FCGR3A: variants seen among roughly 807,000 people sequenced by gnomAD.
The protein encoded by FCGR3A is Fc gamma receptor IIIa.
A neutral mutation model predicts 24.1 loss-of-function variants in FCGR3A; 13 were observed. That is an observed-to-expected ratio of 0.54 (90% CI 0.35 to 0.86). The LOEUF (loss-of-function observed/expected upper bound fraction) is 0.86. Ranked by LOEUF, FCGR3A falls within the 40% of genes least tolerant of loss-of-function variation. The probability of loss-of-function intolerance (pLI) is 0.01; values close to 1 mark genes in which losing one functional copy is unlikely to be tolerated. For synonymous variants in FCGR3A, 93 were observed against 112.2 expected (o/e 0.83, Z 1.08); for missense variants, 235 against 298.0 (o/e 0.79, Z 1.56).
At position 161,548,970 on chromosome 1, in the gene FCGR3A, G is replaced by A. The variant is rs759499334; in HGVS notation, c.61+41C>T. On this transcript the variant is annotated intron_variant, in intron 2 of 4. Coordinates refer to ENST00000443193, the MANE Select transcript of FCGR3A (RefSeq NM_000569.8). ...TATCTTATGGCCTTTGTCCCCATAT[G>A]TGCCCCACTGGGTCAATCCAAGACC... 2.1e-5 allele frequency: 34 copies of A among 1,593,798 alleles called. No individual in the cohort carries two copies. The South Asian group carries it at 2.8e-4, about 13-fold the overall frequency.
chr1:161,550,004 A>G, upstream of FCGR3A: 2 of 753,716 alleles, frequency 2.7e-6, no homozygotes, highest in Non-Finnish European at 2.2e-6. Context: ...TCTGTGGCTG[A>G]GCATCTGAGG....
In FCGR3A at chr1:161,549,698, T is replaced by A; in HGVS notation, c.39A>T (p.Leu13=). 1 of 1,613,656 alleles carries A rather than the reference T, an allele frequency of 6.2e-7. No individual in the cohort carries two copies. The highest frequency in any genetic ancestry group is 8.5e-7 in the Non-Finnish European group (1 of 1,179,838). Residue 13 remains leucine (L), a splice_region_variant and synonymous_variant, in exon 1 of 5, where the codon CTA becomes CTT. Transcript: ENST00000443193. ...QLLLPTALLL[L]VSAGMRTEDL... is the part of the protein sequence containing the mutation. ...TCAACCAGGGAGACCCTGACTTACC[T>A]AGAAGTAGCAGAGCAGTTGGGAGGA...
At chr1:161,546,211 TATC>T (rs1318349827) in intron 3 of FCGR3A, among the ~76,000 whole-genome samples, 5 of 152,060 alleles carry the variant, frequency 3.3e-5, no homozygotes, top group African/African-American at 1.2e-4. Flanking sequence ...TATTAAGAGA[TATC>T]ATTTATCAAA....
At chr1:161,549,641 C>G in intron 1 of FCGR3A, 56 bp downstream of exon 1, 2 of 1,606,680 alleles carry the variant, frequency 1.2e-6, no homozygotes, top group South Asian at 2.2e-5. Flanking sequence ...AAAGGGGTCT[C>G]TGCTGAACCC....
chr1:161,546,073 C>T (rs1677380575), intron 3 of FCGR3A, among the ~76,000 whole-genome samples: 1 of 152,016 alleles, frequency 6.6e-6, no homozygotes. Context: ...TTTAAATCTA[C>T]ATTCTCAGCT....
chr1:161,549,971 T>C, upstream of FCGR3A: 1 of 1,066,248 alleles, frequency 9.4e-7, no homozygotes, highest in Non-Finnish European at 1.4e-6. Flanking sequence ...TGGGTGGGTC[T>C]GCCCCCTTTA....
At chr1:161,547,125 T>C (rs415916) in intron 3 of FCGR3A, among the ~76,000 whole-genome samples, 10 of 151,600 alleles carry the variant, frequency 6.6e-5, no homozygotes, top group Non-Finnish European at 1.2e-4. Flanking sequence ...CTAGTAACTC[T>C]TAGACTTGAT....
intron 3 of FCGR3A, among the ~76,000 whole-genome samples, chr1:161,547,145 G>A (rs2102528277): frequency 6.6e-6 from 1 of 152,122 alleles, no homozygotes; most frequent in East Asian, 1.9e-4. Flanking sequence ...TTTTTCTATT[G>A]CTTTCTCTTG....
At chr1:161,548,148 A>C (rs1194019834) in intron 3 of FCGR3A, among the ~76,000 whole-genome samples, 1 of 152,302 alleles carries the variant, frequency 6.6e-6, no homozygotes, top group Non-Finnish European at 1.5e-5. Flanking sequence ...CCTAACCTTC[A>C]CATGACACAT....
In FCGR3A at chr1:161,548,515, G is replaced by T; in HGVS notation, c.225C>A (p.Phe75Leu). 3 of 1,614,038 alleles carry T rather than the reference G, an allele frequency of 1.9e-6. No individual in the cohort carries two copies. Among genetic ancestry groups the T allele is most frequent in the Non-Finnish European group, 2.5e-6 (3 of 1,179,874 alleles). ...TGTCGTCGACTGTGGCAGCGTCAAT[G>T]AAGTAGCTCGAGGCCTGGCTTGAGA... ...SLISSQASSYFIDAATVDDSG... is the reference protein window; with the variant it reads ...SLISSQASSYLIDAATVDDSG... The change falls in exon 3 of 5, where the codon TTC becomes TTA. Residue 75 changes from phenylalanine (F) to leucine (L), a missense_variant. By Grantham distance (22) the Phe-to-Leu change is conservative. Transcript: ENST00000443193.
At position 161,544,682 on chromosome 1, in the gene FCGR3A, A is replaced by G; in HGVS notation, c.577+19T>C. ...ACACACAGGCGTCCCTGGGCATTCCAGGGTGGCACATGTCTCACCTTGAGT... is the reference window on the plus strand; with the variant it reads ...ACACACAGGCGTCCCTGGGCATTCCGGGGTGGCACATGTCTCACCTTGAGT... On this transcript the variant is annotated intron_variant, in intron 4 of 4. Coordinates refer to ENST00000443193, the MANE Select transcript of FCGR3A (RefSeq NM_000569.8). 6.2e-7 allele frequency: 1 copy of G among 1,609,366 alleles called. No homozygotes were observed. Among genetic ancestry groups the G allele is most frequent in the Non-Finnish European group, 8.5e-7 (1 of 1,177,294 alleles).
chr1:161,544,729 T>C lies in FCGR3A; in HGVS notation c.549A>G (p.Ser183=). The change falls in exon 4 of 5, where the codon TCA becomes TCG. Residue 183 remains serine, a synonymous_variant. Coordinates refer to ENST00000443193, the MANE Select transcript of FCGR3A (RefSeq NM_000569.8). ...GAGTGATGGTGATGTTCACAGTCTC[T>C]GAAGACACATTTTTACTCCCAAAAA... ...RGLFGSKNVS[S]ETVNITITQG... is the part of the protein sequence containing the mutation. 1.9e-6 allele frequency: 3 copies of C among 1,611,230 alleles called. No homozygotes were observed. Among genetic ancestry groups the C allele is most frequent in the South Asian group, 1.1e-5 (1 of 90,950 alleles).
intron 4 of FCGR3A, 62 bp downstream of exon 4, chr1:161,544,639 A>T (rs1677293841): frequency 2.5e-6 from 4 of 1,581,686 alleles, no homozygotes; most frequent in Non-Finnish European, 3.4e-6. Context: ...TCAACTTCCC[A>T]GTGTGATTGC....
intron 3 of FCGR3A, among the ~76,000 whole-genome samples, chr1:161,546,126 A>C (rs531611508): frequency 1.3e-5 from 2 of 152,226 alleles, no homozygotes; most frequent in African/African-American, 4.8e-5. Context: ...GATGCTAAAC[A>C]AAATTGGTAG....
intron 2 of FCGR3A, 104 bp from the exon 3 acceptor site, chr1:161,548,782 T>A: frequency 6.4e-7 from 1 of 1,570,516 alleles, no homozygotes; most frequent in East Asian, 2.3e-5. Context: ...TGCAAACCCA[T>A]GCTTGGTGGC....
rs371773367 is a variant in FCGR3A, at chr1:161,549,705, A to T, written c.32T>A (p.Leu11Gln). The change falls in exon 1 of 5, where the codon CTA (leucine) becomes CAA (glutamine). Residue 11 changes from leucine (L) to glutamine (Q), a missense_variant. Leu to Gln is a moderately radical substitution (Grantham distance 113). Coordinates refer to ENST00000443193, the MANE Select transcript of FCGR3A (RefSeq NM_000569.8). The stretch of plus-strand genomic sequence containing the variant: ...GGGAGACCCTGACTTACCTAGAAGT[A>T]GCAGAGCAGTTGGGAGGAGCAGCTG... MWQLLLPTAL[L>Q]LLVSAGMRTE... 4.0e-4 allele frequency: 641 copies of T among 1,613,766 alleles called. 4 individuals carry two copies. Among genetic ancestry groups the T allele is most frequent in the Non-Finnish European group, 5.3e-4 (624 of 1,179,896 alleles).
chr1:161,544,980 G>C (rs529338843), intron 3 of FCGR3A, 22 bp from the exon 4 acceptor site: 1 of 1,595,316 alleles, frequency 6.3e-7, no homozygotes, highest in African/African-American at 1.3e-5. Flanking sequence ...AGACACCCCA[G>C]GCCCGGGAGG....
chr1:161,546,257 T>G (rs1290453693), intron 3 of FCGR3A, among the ~76,000 whole-genome samples: 3 of 152,084 alleles, frequency 2.0e-5, no homozygotes, highest in Non-Finnish European at 4.4e-5. Flanking sequence ...CACTTACTTT[T>G]TCAGCAGAGA....
rs755466460 is a variant in FCGR3A at position 161,544,688 on chromosome 1, G to A, written c.577+13C>T. ...AGGCGTCCCTGGGCATTCCAGGGTG[G>A]CACATGTCTCACCTTGAGTGATGGT... On this transcript the variant is annotated intron_variant, in intron 4 of 4. Coordinates refer to ENST00000443193, the MANE Select transcript of FCGR3A (RefSeq NM_000569.8). 1.9e-5 allele frequency: 30 copies of A among 1,610,504 alleles called. 1 individual carries two copies. The South Asian group carries it at 3.2e-4, about 17-fold the overall frequency.
Sources: gnomAD v4.1 joint callset for allele counts (sites outside exome capture counted in the v4.1 genomes callset) on GRCh38, gnomAD v4.1.1 for gene constraint, MANE v1.5 for transcripts, NCBI Gene and HGNC (gene_info 2026-07-23, HGNC 2026-07-21) for gene names.